KRIT1: variants seen among roughly 807,000 people sequenced by gnomAD.
The protein encoded by KRIT1 is krev interaction trapped protein 1.
A neutral mutation model predicts 95.8 loss-of-function variants in KRIT1; 45 were observed. The ratio of observed to expected loss-of-function variants is 0.47; its 90% CI spans 0.37 to 0.60. KRIT1 has a LOEUF of 0.60. KRIT1 is among the 20% of genes least tolerant of loss of function. The pLI is 0.00. For synonymous variants in KRIT1, 282 were observed against 278.8 expected (o/e 1.01, Z -0.11); for missense variants, 788 against 877.5 (o/e 0.90, Z 1.29).
At chr7:92,223,561 T>C (rs1416191251) in intron 12 of KRIT1, among the ~76,000 whole-genome samples, 2 of 152,170 alleles carry the variant, frequency 1.3e-5, no homozygotes, top group Non-Finnish European at 2.9e-5. Context: ...ACATACTCAA[T>C]GTCAAATTCT....
At position 92,206,970 on chromosome 7, in the gene KRIT1, AAT is replaced by A. The variant is rs751743774; in HGVS notation, c.2026-5549_2026-5548del. On this transcript the variant is annotated intron_variant, in intron 17 of 18. Coordinates refer to ENST00000394505, the MANE Select transcript of KRIT1 (RefSeq NM_194454.3). ...AAAAAAAAAAAGAAAGAAATCAAGA[AAT>A]AAAAAAGAATGAAGAAAGCCAATGT... The A allele has an allele frequency of 2.6e-5, 4 of 151,960 alleles. 1 individual carries two copies. 9.4% of individuals were successfully genotyped at this position (151,960 alleles called of 1,614,324 possible).
chr7:92,227,606 C>G (rs527276295), intron 10 of KRIT1, among the ~76,000 whole-genome samples: 1 of 152,064 alleles, frequency 6.6e-6, no homozygotes, highest in South Asian at 2.1e-4. Flanking sequence ...GCAATCTCAG[C>G]TCACTGTAAT....
chr7:92,241,623 G>A (rs1430787712), intron 4 of KRIT1, among the ~76,000 whole-genome samples: 1 of 152,058 alleles, frequency 6.6e-6, no homozygotes, highest in African/African-American at 2.4e-5. Context: ...CTACAGAAAA[G>A]TAACTTAATT....
At chr7:92,207,610 A>G (rs1332004351) in intron 17 of KRIT1, among the ~76,000 whole-genome samples, 1 of 152,144 alleles carries the variant, frequency 6.6e-6, no homozygotes, top group Non-Finnish European at 1.5e-5. Flanking sequence ...TAATCCCAGC[A>G]CTTTGGGAGG....
intron 7 of KRIT1, chr7:92,236,065 T>C (rs1798385791): frequency 3.9e-6 from 1 of 256,720 alleles, no homozygotes; most frequent in South Asian, 5.1e-5. Context: ...TAGGTGACAT[T>C]AGCCCTGTTC....
At chr7:92,202,499 A>G (rs898269726) in intron 17 of KRIT1, among the ~76,000 whole-genome samples, 17 of 152,244 alleles carry the variant, frequency 1.1e-4, no homozygotes, top group Non-Finnish European at 2.9e-5. Context: ...ACATATAAAC[A>G]AAGAAAGTGT....
chr7:92,236,467 T>C lies in KRIT1; in HGVS notation c.431A>G (p.Glu144Gly). 6.3e-7 allele frequency: 1 copy of C among 1,598,290 alleles called. No individual in the cohort carries two copies. The highest frequency in any genetic ancestry group is 8.6e-7 in the Non-Finnish European group (1 of 1,165,842). Residue 144 changes from glutamate to glycine, a missense_variant, in exon 7 of 19, where the codon GAA becomes GGA. By Grantham distance (98) the Glu-to-Gly change is moderately conservative (BLOSUM62 -2). Transcript: ENST00000394505. Reference sequence around the variant, plus strand: ...AAGTGTAGCAAAATGAGTACTGGATTCACTACAGACTCGCATAATATCTTG... The same window carrying C: ...AAGTGTAGCAAAATGAGTACTGGATCCACTACAGACTCGCATAATATCTTG... ...CLQDIMRVCS[E>G]SSTHFATLTA... is the part of the protein sequence containing the mutation.
chr7:92,210,745 A>C (rs1293274075), intron 17 of KRIT1, among the ~76,000 whole-genome samples: 1 of 152,220 alleles, frequency 6.6e-6, no homozygotes, highest in African/African-American at 2.4e-5. Flanking sequence ...GTGAAGAGAC[A>C]ATGTGGTGAA....
At chr7:92,211,320 C>T (rs1792766687) in intron 17 of KRIT1, among the ~76,000 whole-genome samples, 1 of 152,128 alleles carries the variant, frequency 6.6e-6, no homozygotes, top group Non-Finnish European at 1.5e-5. Flanking sequence ...TATATATGCA[C>T]AATGAAATAT....
chr7:92,225,929 T>A (rs1329126461), intron 11 of KRIT1, 102 bp from the exon 12 acceptor site: 1 of 709,076 alleles, frequency 1.4e-6, no homozygotes, highest in Non-Finnish European at 2.5e-6. Flanking sequence ...AAAGAGACTC[T>A]TGTCAAGTAC....
chr7:92,203,505 C>T lies in KRIT1; in HGVS notation c.2026-2082G>A, dbSNP rs143967262. On this transcript the variant is annotated intron_variant, in intron 17 of 18. Coordinates refer to ENST00000394505, the MANE Select transcript of KRIT1 (RefSeq NM_194454.3). ...TCTATTTATAGTTCAAGAAACTGAACCTCTTATCTAAGGAAAAAGCAGACT... is the reference window on the plus strand; with the variant it reads ...TCTATTTATAGTTCAAGAAACTGAATCTCTTATCTAAGGAAAAAGCAGACT... Among the ~76,000 whole-genome samples the T allele has an allele frequency of 7.6e-3, 1,156 of 152,268 alleles. 18 individuals are homozygous for T. The highest frequency in any genetic ancestry group is 0.037 in the Middle Eastern group (11 of 294).
intron 3 of KRIT1, among the ~76,000 whole-genome samples, chr7:92,242,882 C>T (rs1320297160): frequency 2.0e-5 from 3 of 152,146 alleles, no homozygotes; most frequent in Non-Finnish European, 4.4e-5. Context: ...GTGACAATCT[C>T]GCCTCAATGC....
intron 5 of KRIT1, chr7:92,240,702 T>C (rs1799425198): frequency 2.8e-6 from 1 of 361,468 alleles, no homozygotes; most frequent in Non-Finnish European, 5.1e-6. Context: ...TATAGTTTCC[T>C]CTGTCATTAA....
chr7:92,200,822 T>C lies in KRIT1; in HGVS notation c.2143-18A>G, dbSNP rs764020484. 1.3e-6 allele frequency: 2 copies of C among 1,535,374 alleles called. No individual in the cohort carries two copies. The highest frequency in any genetic ancestry group is 1.8e-6 in the Non-Finnish European group (2 of 1,109,272). On this transcript the variant is annotated intron_variant, in intron 18 of 18. Transcript: ENST00000394505. ...AGACCAGCCTACAAAGTAAAACATG[T>C]CAATAATAAATATAAAACATGTAAG...
chr7:92,240,081 C>T (rs1799288820), intron 5 of KRIT1, among the ~76,000 whole-genome samples: 1 of 152,038 alleles, frequency 6.6e-6, no homozygotes, highest in Admixed American at 6.6e-5. Context: ...ACTCTTCAGG[C>T]TCTATTAGGG....
intron 8 of KRIT1, 58 bp from the exon 9 acceptor site, chr7:92,234,981 C>G: frequency 1.2e-6 from 1 of 830,176 alleles, no homozygotes. Flanking sequence ...TTAATGTTTA[C>G]ATGTTTATAT....
rs973225564 is a variant in KRIT1, at chr7:92,233,819, T to C, written c.989+630A>G. On this transcript the variant is annotated intron_variant, in intron 10 of 18. Coordinates refer to ENST00000394505, the MANE Select transcript of KRIT1 (RefSeq NM_194454.3). ...ATCCTTTCTAGAAGATGACTTATAG[T>C]AAACAGTTAACTACTACTCTAAACA... Among the ~76,000 whole-genome samples, 5 of 152,240 alleles carry C rather than the reference T, an allele frequency of 3.3e-5. 1 individual carries two copies. In the South Asian group the frequency reaches 1.0e-3, roughly 32 times the overall value.
intron 8 of KRIT1, among the ~76,000 whole-genome samples, chr7:92,235,141 A>C (rs575605061): frequency 5.9e-5 from 9 of 152,264 alleles, no homozygotes; most frequent in Non-Finnish European, 1.3e-4. Context: ...CTAAGACTAC[A>C]GGGGTACGCC....
Position 92,218,809 on chromosome 7 carries a change from T to C in KRIT1, c.1563+3093A>G, listed in dbSNP as rs527853477. Among the ~76,000 whole-genome samples the C allele has an allele frequency of 3.3e-5, 5 of 152,318 alleles. No individual in the cohort carries two copies. The South Asian group carries it at 1.0e-3, about 32-fold the overall frequency. On this transcript the variant is annotated intron_variant, in intron 14 of 18. Transcript: ENST00000394505. ...CTGTTGCTTTTCACTTTCTTAATAA[T>C]GTCCTTTAAAGCACAAAAGTCTTTG...
Sources: allele counts gnomAD v4.1 joint callset (sites outside exome capture counted in the v4.1 genomes callset), GRCh38; gene constraint gnomAD v4.1.1; transcripts MANE v1.5; gene names NCBI Gene and HGNC (gene_info 2026-07-23, HGNC 2026-07-21).